The following COL10A1 variants were observed in gnomAD, a reference collection of about 807,000 sequenced individuals.
The protein encoded by COL10A1 is collagen alpha-1(X) chain.
In COL10A1, 10 loss-of-function variants were observed where a neutral mutation model predicts 18.2. The observed-to-expected ratio is 0.55, with a 90% CI of 0.34 to 0.93. The LOEUF (loss-of-function observed/expected upper bound fraction) is 0.93, where lower values mean the gene tolerates loss of function less well. Among genes scored for constraint, COL10A1 ranks in the 40% least tolerant of loss-of-function variants. The pLI is 0.02. For missense variants in COL10A1, 897 were observed against 853.5 expected (o/e 1.05, Z -0.64); for synonymous variants, 330 against 316.6 (o/e 1.04, Z -0.45).
chr6:116,203,290 A>C, the COL10A1 span, among the ~76,000 whole-genome samples: 1 of 151,830 alleles, frequency 6.6e-6, no homozygotes, highest in South Asian at 2.1e-4. Flanking sequence ...TCAGTTCTTT[A>C]TTATTACTTT....
the COL10A1 span, among the ~76,000 whole-genome samples, chr6:116,204,816 A>G: frequency 3.9e-5 from 6 of 152,026 alleles, no homozygotes; most frequent in African/African-American, 1.4e-4. Flanking sequence ...CAACAAGTAG[A>G]ACAATGAATA....
At chr6:116,185,895 TC>T in the COL10A1 span, among the ~76,000 whole-genome samples, 1 of 152,108 alleles carries the variant, frequency 6.6e-6, no homozygotes, top group South Asian at 2.1e-4. Context: ...AGCATACTAT[TC>T]TATTCATCCT....
chr6:116,130,449 G>GT (rs34646840), upstream of COL10A1, among the ~76,000 whole-genome samples: 27,352 of 151,814 alleles, frequency 0.18, 3,262 homozygotes, highest in Middle Eastern at 0.34. Flanking sequence ...GATCCCAGTA[G>GT]TTTTTTTTAT....
chr6:116,133,744 A>G (rs1044542544), intron 1 of COL10A1, among the ~76,000 whole-genome samples: 1 of 152,204 alleles, frequency 6.6e-6, no homozygotes, highest in Non-Finnish European at 1.5e-5. Flanking sequence ...TCTTCCTGCC[A>G]TCCCTGGTTC....
chr6:116,215,652 A>G, the COL10A1 span, among the ~76,000 whole-genome samples: 4 of 152,190 alleles, frequency 2.6e-5, no homozygotes, highest in Non-Finnish European at 5.9e-5. Flanking sequence ...TTGTCTGTCC[A>G]GTAACCATGT....
the COL10A1 span, among the ~76,000 whole-genome samples, chr6:116,208,405 T>A: frequency 1.3e-5 from 2 of 152,002 alleles, no homozygotes; most frequent in African/African-American, 2.4e-5. Context: ...CCGTTTGAAA[T>A]GAAAGCTACA....
At chr6:116,133,337 G>A (rs568843471) in intron 1 of COL10A1, among the ~76,000 whole-genome samples, 3 of 152,288 alleles carry the variant, frequency 2.0e-5, no homozygotes, top group Admixed American at 1.3e-4. Flanking sequence ...AAGTTGGAAG[G>A]AGAAATTATA....
At chr6:116,129,860 G>C (rs1423124378), upstream of COL10A1, among the ~76,000 whole-genome samples, 1 of 152,146 alleles carries the variant, frequency 6.6e-6, no homozygotes, top group African/African-American at 2.4e-5. Flanking sequence ...ACTTGCTACT[G>C]TGGAGATTGG....
At chr6:116,130,530 C>G (rs1779433856), upstream of COL10A1, among the ~76,000 whole-genome samples, 1 of 152,050 alleles carries the variant, frequency 6.6e-6, no homozygotes, top group African/African-American at 2.4e-5. Flanking sequence ...TCCACAGACT[C>G]TTAGTTTCTT....
chr6:116,131,863 C>G (rs1420854440), intron 1 of COL10A1, among the ~76,000 whole-genome samples: 3 of 152,034 alleles, frequency 2.0e-5, no homozygotes, highest in Non-Finnish European at 4.4e-5. Context: ...GTGTGTTGTT[C>G]CTCTCTATGT....
chr6:116,184,125 G>T, the COL10A1 span, among the ~76,000 whole-genome samples: 2 of 151,964 alleles, frequency 1.3e-5, no homozygotes, highest in African/African-American at 4.8e-5. Flanking sequence ...GCTGGATCTT[G>T]TCAGCTGCCT....
upstream of COL10A1, among the ~76,000 whole-genome samples, chr6:116,129,252 T>C (rs114634026): frequency 5.0e-3 from 765 of 152,290 alleles, 6 homozygotes; most frequent in African/African-American, 0.018. Flanking sequence ...ATGTCTATAT[T>C]ATATAGAAAC....
At chr6:116,194,566 A>C in the COL10A1 span, among the ~76,000 whole-genome samples, 3 of 152,068 alleles carry the variant, frequency 2.0e-5, no homozygotes, top group Non-Finnish European at 4.4e-5. Context: ...TAAAGTTAGC[A>C]GTGGCCAGTA....
At chr6:116,181,249 A>G in the COL10A1 span, among the ~76,000 whole-genome samples, 1 of 152,060 alleles carries the variant, frequency 6.6e-6, no homozygotes, top group Non-Finnish European at 1.5e-5. Flanking sequence ...TAAATATAGT[A>G]AACATTAGGT....
upstream of COL10A1, among the ~76,000 whole-genome samples, chr6:116,161,271 G>C (rs1001328007): frequency 6.6e-6 from 1 of 151,610 alleles, no homozygotes; most frequent in South Asian, 2.1e-4. Context: ...CAGTGCACCA[G>C]CATGGCACAT....
chr6:116,153,570 A>G (rs1780106412), intron 1 of COL10A1, among the ~76,000 whole-genome samples: 1 of 152,102 alleles, frequency 6.6e-6, no homozygotes, highest in Non-Finnish European at 1.5e-5. Flanking sequence ...TACCTCTGTT[A>G]GGTACTTAGT....
At chr6:116,127,813 G>A (rs192188152), upstream of COL10A1, among the ~76,000 whole-genome samples, 85 of 152,212 alleles carry the variant, frequency 5.6e-4, 1 homozygote, top group African/African-American at 1.5e-3. Context: ...ACTCGTGAAC[G>A]TTCAGAAGAC....
Position 116,139,749 on chromosome 6 carries a change from T to G in COL10A1, c.-15-14242A>C, listed in dbSNP as rs180899222. Among the ~76,000 whole-genome samples the G allele has an allele frequency of 6.0e-4, 92 of 152,256 alleles. 1 individual carries two copies. In the East Asian group the frequency reaches 7.3e-3, roughly 12 times the overall value. ...TGGGAGTAAGGAGAGAAATAGGAAT[T>G]TGACAGTTTTTTGCTTAAAAGGCAT... On this transcript the variant is annotated intron_variant, in intron 1 of 1. Transcript: ENST00000418500.
the COL10A1 span, among the ~76,000 whole-genome samples, chr6:116,175,951 G>A: frequency 6.6e-6 from 1 of 152,010 alleles, no homozygotes; most frequent in Non-Finnish European, 1.5e-5. Context: ...TTGTTTGGGG[G>A]CTTCTTGTTT....
Sources: allele counts gnomAD v4.1 joint callset (sites outside exome capture counted in the v4.1 genomes callset), GRCh38; gene constraint gnomAD v4.1.1; transcripts MANE v1.5; gene names NCBI Gene and HGNC (gene_info 2026-07-23, HGNC 2026-07-21).